The following LAMA5 variants were observed in gnomAD, a reference collection of about 807,000 sequenced individuals.
LAMA5 encodes laminin subunit alpha 5.
In LAMA5, 260 loss-of-function variants were observed where a neutral mutation model predicts 433.4. That is an observed-to-expected ratio of 0.60 (90% CI 0.54 to 0.66). The LOEUF is 0.66. Among genes scored for constraint, LAMA5 ranks in the 30% least tolerant of loss-of-function variants. The probability of loss-of-function intolerance (pLI) is 0.00; values close to 1 mark genes in which losing one functional copy is unlikely to be tolerated. For missense variants in LAMA5, 5,378 were observed against 5,258.5 expected (o/e 1.02, Z -0.70); for synonymous variants, 2,620 against 2,226.6 (o/e 1.18, Z -4.97).
Position 62,328,980 on chromosome 20 carries a change from T to A in LAMA5, c.4311A>T (p.Pro1437=), listed in dbSNP as rs151096227. The change falls in exon 34 of 80, where the codon CCA becomes CCT. Residue 1437 remains proline (P), a synonymous_variant. Transcript: ENST00000252999. The stretch of plus-strand genomic sequence containing the variant: ...TAGCACCTACTTCGTGGCAGCCACA[T>A]GGACGGGCTCCGTTGTTATAGAAGA... ...LSLFYNNGAR[P]CGCHEVGATG... 2,746 of 1,612,596 alleles carry A rather than the reference T, an allele frequency of 1.7e-3. 5 individuals are homozygous for A. The highest frequency in any genetic ancestry group is 4.6e-3 in the Admixed American group (277 of 59,982).
At position 62,312,380 on chromosome 20, in the gene LAMA5, G is replaced by A; in HGVS notation, c.9360+20C>T. On this transcript the variant is annotated intron_variant, in intron 68 of 79. Transcript: ENST00000252999. ...TGCATGTCCACAGATGCCACCCCCA[G>A]CCCGGGGAGGGCTGCTCACCAGCAG... 3 of 1,599,418 alleles carry A rather than the reference G, an allele frequency of 1.9e-6. No homozygotes were observed. The highest frequency in any genetic ancestry group is 2.5e-6 in the Non-Finnish European group (3 of 1,178,936).
rs1986469468 is a variant in LAMA5, at chr20:62,312,874, C to T, written c.9078+14G>A. The T allele has an allele frequency of 6.3e-7, 1 of 1,594,634 alleles. No homozygotes were observed. Among genetic ancestry groups the T allele is most frequent in the Non-Finnish European group, 8.6e-7 (1 of 1,169,568 alleles). On this transcript the variant is annotated intron_variant, in intron 66 of 79. Coordinates refer to ENST00000252999, the MANE Select transcript of LAMA5 (RefSeq NM_005560.6). ...CTCCTCTCCCTGCCACCCTGGTCCC[C>T]ACCCTGGCCCTACCGCCTTGCTGGC...
Position 62,312,759 on chromosome 20 carries a change from C to T in LAMA5, c.9100G>A (p.Gly3034Ser), listed in dbSNP as rs1246995450. Reference protein sequence around the residue: ...SKAIQVFLLGGSRKRVLVRVE... With the variant: ...SKAIQVFLLGSSRKRVLVRVE... ...CGCACCAGCACACGCTTGCGGCTGCCCCCCAGCAGGAACACCTGGATCTAC... is the reference window on the plus strand; with the variant it reads ...CGCACCAGCACACGCTTGCGGCTGCTCCCCAGCAGGAACACCTGGATCTAC... Residue 3034 changes from glycine (G) to serine (S), a missense_variant, in exon 67 of 80, where the codon GGC becomes AGC. Transcript: ENST00000252999. The T allele has an allele frequency of 2.5e-6, 4 of 1,589,966 alleles. No individual in the cohort carries two copies.
At chr20:62,353,348 C>T in intron 2 of LAMA5, 97 bp from the exon 3 acceptor site, 1 of 867,894 alleles carries the variant, frequency 1.2e-6, no homozygotes, top group Non-Finnish European at 1.8e-6. Flanking sequence ...GAGGCCACAG[C>T]AGGGGATGTG....
chr20:62,327,732 G>A, intron 36 of LAMA5, 63 bp from the exon 37 acceptor site: 2 of 1,595,922 alleles, frequency 1.3e-6, no homozygotes, highest in South Asian at 1.1e-5. Context: ...CGGGTTCCTG[G>A]TACCCACCTG....
At chr20:62,333,029 C>G in intron 26 of LAMA5, 61 bp downstream of exon 26, 1 of 1,415,102 alleles carries the variant, frequency 7.1e-7, no homozygotes, top group Non-Finnish European at 9.3e-7. Flanking sequence ...CCACAGGACC[C>G]CCAGCCCCCA....
intron 38 of LAMA5, 43 bp downstream of exon 38, chr20:62,327,190 G>C (rs779927625): frequency 2.1e-5 from 31 of 1,452,852 alleles, no homozygotes; most frequent in African/African-American, 2.8e-5. Context: ...AGGCGTCCTG[G>C]CCATCCTCAA....
rs573722550 is a variant in LAMA5, at chr20:62,313,567, A to G, written c.8658+82T>C. 4.3e-4 allele frequency: 672 copies of G among 1,577,426 alleles called. 3 individuals carry two copies. The highest frequency in any genetic ancestry group is 8.2e-5 in the Non-Finnish European group (95 of 1,161,404). ...CAGGACGGACTGAGGCAAGATACCA[A>G]AAGAACCCGCGGCTCTCCAGGACAC... On this transcript the variant is annotated intron_variant, in intron 63 of 79. Coordinates refer to ENST00000252999, the MANE Select transcript of LAMA5 (RefSeq NM_005560.6).
Position 62,327,067 on chromosome 20 carries a change from G to T in LAMA5, c.5113-101C>A, listed in dbSNP as rs1050879089. 3 of 1,117,598 alleles carry T rather than the reference G, an allele frequency of 2.7e-6. No individual in the cohort carries two copies. In the African/African-American group the frequency reaches 4.7e-5, roughly 17 times the overall value. 69.2% of individuals were successfully genotyped at this position (1,117,598 alleles called of 1,614,324 possible). A position where few individuals can be genotyped will look rare whatever the true frequency, so the allele number is the denominator to read the frequency against. On this transcript the variant is annotated intron_variant, in intron 38 of 79. Coordinates refer to ENST00000252999, the MANE Select transcript of LAMA5 (RefSeq NM_005560.6). ...CACCCCCAGCACAGAGCCCTGTGCT[G>T]GGCCTGGATACTTGCGCTCATTCCC...
Position 62,329,716 on chromosome 20 carries a change from C to T in LAMA5, c.4119+61G>A. ...AGACAGACCCAGCCCAAGTGTACCA[C>T]AGTGGTAATGACAAGTATAAGGACA... is the stretch of plus-strand genomic sequence containing the variant. On this transcript the variant is annotated intron_variant, in intron 32 of 79. Transcript: ENST00000252999. The T allele has an allele frequency of 4.4e-6, 7 of 1,590,014 alleles. 1 individual carries two copies. The South Asian group carries it at 6.8e-5, about 15-fold the overall frequency.
intron 11 of LAMA5, among the ~76,000 whole-genome samples, chr20:62,341,005 C>T (rs531428805): frequency 4.6e-5 from 7 of 151,334 alleles, no homozygotes; most frequent in Non-Finnish European, 7.4e-5. Flanking sequence ...TGCAACTGGA[C>T]GCCAGCCTGG....
At position 62,312,272 on chromosome 20, in the gene LAMA5, C is replaced by T. The variant is rs1986360956; in HGVS notation, c.9405G>A (p.Leu3135=). 1 of 1,611,236 alleles carries T rather than the reference C, an allele frequency of 6.2e-7. No individual in the cohort carries two copies. Among genetic ancestry groups the T allele is most frequent in the Non-Finnish European group, 8.5e-7 (1 of 1,179,516 alleles). Reference sequence around the variant, plus strand: ...TGAGCGGTGCCACGTTCGAGAGCGCCAGGCGAAGGAAGCCGTGGCCATGGA... The same window carrying T: ...TGAGCGGTGCCACGTTCGAGAGCGCTAGGCGAAGGAAGCCGTGGCCATGGA... ...MTFHGHGFLR[L]ALSNVAPLTG... The change falls in exon 69 of 80, where the codon CTG becomes CTA. Residue 3135 remains leucine, a synonymous_variant. Transcript: ENST00000252999.
intron 57 of LAMA5, 158 bp from the exon 58 acceptor site, chr20:62,316,216 T>C: frequency 1.6e-6 from 1 of 620,940 alleles, no homozygotes; most frequent in South Asian, 1.9e-5. Context: ...TGTGGGGAGG[T>C]GTTGAGTCTC....
chr20:62,364,352 C>A (rs926101106), intron 1 of LAMA5, among the ~76,000 whole-genome samples: 4 of 152,188 alleles, frequency 2.6e-5, no homozygotes, highest in African/African-American at 9.6e-5. Flanking sequence ...AAGACCCTCC[C>A]AGACACACGA....
intron 11 of LAMA5, among the ~76,000 whole-genome samples, chr20:62,341,789 C>A (rs1308678435): frequency 7.5e-6 from 1 of 133,674 alleles, no homozygotes; most frequent in Admixed American, 7.5e-5. Context: ...TCGAACAGAC[C>A]AATAAACTCA....
intron 22 of LAMA5, 61 bp downstream of exon 22, chr20:62,334,125 C>A: frequency 1.3e-6 from 2 of 1,588,112 alleles, no homozygotes; most frequent in South Asian, 1.1e-5. Context: ...CCACCCCTCC[C>A]TGCCAGCCAC....
In LAMA5 at chr20:62,337,886, ACCT is replaced by A; in HGVS notation, c.1941_1943del (p.Gly648del). ...TGTAGCCGGGGCGGCAGCGGCACAA[ACCT>A]CCCGCCCCACAGAGCTGGTCCAGGG... is the stretch of plus-strand genomic sequence containing the variant. On this transcript the variant is annotated inframe_deletion, in exon 15 of 80. Coordinates refer to ENST00000252999, the MANE Select transcript of LAMA5 (RefSeq NM_005560.6). The A allele has an allele frequency of 6.2e-7, 1 of 1,611,980 alleles. No homozygotes were observed. Among genetic ancestry groups the A allele is most frequent in the Non-Finnish European group, 8.5e-7 (1 of 1,179,658 alleles).
chr20:62,319,031 G>C lies in LAMA5; in HGVS notation c.6872-18C>G. On this transcript the variant is annotated intron_variant, in intron 51 of 79. Coordinates refer to ENST00000252999, the MANE Select transcript of LAMA5 (RefSeq NM_005560.6). ...CATGAGCTCTGTGGGGCAGGGGTTCGTCAGAGCCTGGGGCCGCCCGTACTA... is the reference window on the plus strand; with the variant it reads ...CATGAGCTCTGTGGGGCAGGGGTTCCTCAGAGCCTGGGGCCGCCCGTACTA... 1.9e-6 allele frequency: 3 copies of C among 1,541,364 alleles called. No homozygotes were observed. The highest frequency in any genetic ancestry group is 2.6e-6 in the Non-Finnish European group (3 of 1,146,098).
rs756386272 is a variant in LAMA5, at chr20:62,333,218, G to C, written c.3154C>G (p.Leu1052Val). The C allele has an allele frequency of 6.5e-7, 1 of 1,530,614 alleles. No individual in the cohort carries two copies. The highest frequency in any genetic ancestry group is 8.8e-7 in the Non-Finnish European group (1 of 1,137,956). 94.8% of individuals were successfully genotyped at this position (1,530,614 alleles called of 1,614,324 possible). The change falls in exon 26 of 80, where the codon CTG (leucine) becomes GTG (valine). Residue 1052 changes from leucine to valine, a missense_variant. Transcript: ENST00000252999. ...DNCLLYTHLP[L>V]DGFPSAAGLE... is the part of the protein sequence containing the mutation. Reference sequence around the variant, plus strand: ...CCGGCGGCCGAGGGGAAGCCATCCAGGGGGAGGTGTGTGTAGAGGAGGCAG... The same window carrying C: ...CCGGCGGCCGAGGGGAAGCCATCCACGGGGAGGTGTGTGTAGAGGAGGCAG...
Sources: gnomAD v4.1 joint callset for allele counts (sites outside exome capture counted in the v4.1 genomes callset) on GRCh38, gnomAD v4.1.1 for gene constraint, MANE v1.5 for transcripts, NCBI Gene and HGNC (gene_info 2026-07-23, HGNC 2026-07-21) for gene names.